ORC3: variants seen among roughly 807,000 people sequenced by gnomAD.
ORC3 encodes the protein homolog of latheo, Drosophila.
A neutral mutation model predicts 100.7 loss-of-function variants in ORC3; 78 were observed. The ratio of observed to expected loss-of-function variants is 0.77; its 90% CI spans 0.65 to 0.94. The LOEUF (loss-of-function observed/expected upper bound fraction) is 0.94, where lower values mean the gene tolerates loss of function less well. Among genes scored for constraint, ORC3 ranks in the 40% least tolerant of loss-of-function variants. The pLI, the probability that ORC3 is intolerant of heterozygous loss-of-function variation, is 0.00. For missense variants in ORC3, 789 were observed against 823.9 expected (o/e 0.96, Z 0.52); for synonymous variants, 295 against 289.3 (o/e 1.02, Z -0.20).
intron 13 of ORC3, among the ~76,000 whole-genome samples, chr6:87,637,694 C>G (rs1444259671): frequency 3.3e-5 from 5 of 152,150 alleles, no homozygotes; most frequent in African/African-American, 1.2e-4. Flanking sequence ...ATTCTTTTGT[C>G]AAAGAGGAAC....
At chr6:87,666,976 C>G in intron 19 of ORC3, 42 bp from the exon 20 acceptor site, 2 of 1,271,178 alleles carry the variant, frequency 1.6e-6, no homozygotes, top group Non-Finnish European at 2.2e-6. Flanking sequence ...CCCTTTTTGT[C>G]AAAAATACAG....
chr6:87,615,637 G>T (rs560280026), intron 8 of ORC3, among the ~76,000 whole-genome samples: 84 of 152,316 alleles, frequency 5.5e-4, no homozygotes, highest in African/African-American at 1.9e-3. Flanking sequence ...CAAGGCTACA[G>T]TGAGCTATGA....
intron 1 of ORC3, 33 bp downstream of exon 1, chr6:87,590,225 C>CTA: frequency 6.2e-7 from 1 of 1,608,540 alleles, no homozygotes. Flanking sequence ...TGTGGCTCTA[C>CTA]CGCTGCCTCA....
In ORC3 at chr6:87,645,529, T is replaced by C. The variant is rs1424435292; in HGVS notation, c.1383-7587T>C. 2.6e-5 allele frequency among the ~76,000 whole-genome samples: 4 copies of C among 152,360 alleles called. No individual in the cohort carries two copies. In the East Asian group the frequency reaches 7.7e-4, roughly 29 times the overall value. On this transcript the variant is annotated intron_variant, in intron 13 of 19. Coordinates refer to ENST00000392844, the MANE Select transcript of ORC3 (RefSeq NM_012381.4). ...TTACATGCTTTTTTGTTTTGTTTTGTTTCCTTAACTTCCAGCCTTCATTGA... is the reference window on the plus strand; with the variant it reads ...TTACATGCTTTTTTGTTTTGTTTTGCTTCCTTAACTTCCAGCCTTCATTGA...
At chr6:87,648,867 A>G (rs558023697) in intron 13 of ORC3, among the ~76,000 whole-genome samples, 2 of 152,364 alleles carry the variant, frequency 1.3e-5, no homozygotes, top group Admixed American at 6.5e-5. Context: ...ATTACAAACA[A>G]TAATCATGAG....
chr6:87,619,807 GCATCTTTAGACCT>G (rs1779409016), intron 9 of ORC3, among the ~76,000 whole-genome samples: 1 of 152,172 alleles, frequency 6.6e-6, no homozygotes, highest in African/African-American at 2.4e-5. Flanking sequence ...ACAAGTGACA[GCATCTTTAGACCT>G]CATTTCCCCA....
chr6:87,595,521 G>A (rs1777366797), intron 2 of ORC3: 1 of 151,434 alleles, frequency 6.6e-6, no homozygotes, highest in African/African-American at 2.5e-5. Context: ...CTGAGAATGA[G>A]TAGCAGAAGA....
At chr6:87,669,527 A>G (rs567064343), downstream of ORC3, among the ~76,000 whole-genome samples, 1 of 152,342 alleles carries the variant, frequency 6.6e-6, no homozygotes, top group Non-Finnish European at 1.5e-5. Context: ...ACACCTTGGA[A>G]TCCATGTATT....
intron 2 of ORC3, among the ~76,000 whole-genome samples, chr6:87,601,266 T>C (rs573212890): frequency 2.6e-5 from 4 of 152,288 alleles, no homozygotes; most frequent in African/African-American, 9.6e-5. Flanking sequence ...AAGATTGACA[T>C]TTTTAATCTT....
At chr6:87,625,858 T>TAA (rs1779864428) in intron 11 of ORC3, among the ~76,000 whole-genome samples, 3 of 152,352 alleles carry the variant, frequency 2.0e-5, no homozygotes, top group South Asian at 4.1e-4. Context: ...TTGAATGATT[T>TAA]TTTTATAAGG....
At chr6:87,663,933 G>C (rs28381543) in intron 17 of ORC3, among the ~76,000 whole-genome samples, 22 of 152,020 alleles carry the variant, frequency 1.4e-4, no homozygotes, top group Non-Finnish European at 2.6e-4. Flanking sequence ...ATTGCAAAAC[G>C]GCACACAAAC....
chr6:87,624,107 C>A (rs549060089), intron 11 of ORC3, among the ~76,000 whole-genome samples: 2 of 152,190 alleles, frequency 1.3e-5, no homozygotes, highest in Admixed American at 6.5e-5. Flanking sequence ...TATGAAAAAG[C>A]ACAGAGATTT....
At chr6:87,663,259 G>A (rs1770344156) in intron 17 of ORC3, 115 bp downstream of exon 17, 1 of 716,620 alleles carries the variant, frequency 1.4e-6, no homozygotes, top group Non-Finnish European at 2.2e-6. Flanking sequence ...GCAATTCAGG[G>A]TTGCACGTCT....
At chr6:87,673,394 T>C in the ORC3 span, among the ~76,000 whole-genome samples, 1 of 151,934 alleles carries the variant, frequency 6.6e-6, no homozygotes, top group Non-Finnish European at 1.5e-5. Flanking sequence ...GTTATCACAA[T>C]TGTGGGAGGG....
chr6:87,650,820 C>G (rs1467064151), intron 13 of ORC3: 1 of 228,742 alleles, frequency 4.4e-6, no homozygotes, highest in Non-Finnish European at 9.0e-6. Flanking sequence ...CTAGCCTGAC[C>G]AATATGGTGA....
Position 87,621,391 on chromosome 6 carries a change from G to A in ORC3, c.1025G>A (p.Ser342Asn). The change falls in exon 10 of 20, where the codon AGT becomes AAT. Residue 342 changes from serine to asparagine, a missense_variant. Physicochemically the swap from Ser to Asn is conservative, Grantham distance 46 (BLOSUM62 1). Coordinates refer to ENST00000392844, the MANE Select transcript of ORC3 (RefSeq NM_012381.4). The part of the protein sequence containing the change: ...LLEHFYSQPL[S>N]VLCCNLPEAK... Reference sequence around the variant, plus strand: ...GAGCATTTCTATTCCCAGCCCTTAAGTGTCCTGTGCTGTAATCTTCCAGAA... The same window carrying A: ...GAGCATTTCTATTCCCAGCCCTTAAATGTCCTGTGCTGTAATCTTCCAGAA... 1 of 1,586,108 alleles carries A rather than the reference G, an allele frequency of 6.3e-7. No individual in the cohort carries two copies. The highest frequency in any genetic ancestry group is 8.5e-7 in the Non-Finnish European group (1 of 1,169,918).
chr6:87,650,762 C>G (rs990664236), intron 13 of ORC3, among the ~76,000 whole-genome samples: 1 of 152,186 alleles, frequency 6.6e-6, no homozygotes, highest in Non-Finnish European at 1.5e-5. Context: ...AATCCCAGCA[C>G]TTTGGGAAGC....
At chr6:87,662,770 G>A (rs1175687164) in intron 16 of ORC3, among the ~76,000 whole-genome samples, 1 of 152,098 alleles carries the variant, frequency 6.6e-6, no homozygotes, top group African/African-American at 2.4e-5. Flanking sequence ...AAGAGATGCA[G>A]TTCTGAGTGA....
intron 4 of ORC3, among the ~76,000 whole-genome samples, 179 bp downstream of exon 4, chr6:87,603,707 T>G (rs1778137276): frequency 6.6e-6 from 1 of 152,220 alleles, no homozygotes; most frequent in Admixed American, 6.5e-5. Flanking sequence ...TAAAAATTCC[T>G]TATCTTTACA....
Sources: allele counts gnomAD v4.1 joint callset (sites outside exome capture counted in the v4.1 genomes callset), GRCh38; gene constraint gnomAD v4.1.1; transcripts MANE v1.5; gene names NCBI Gene and HGNC (gene_info 2026-07-23, HGNC 2026-07-21).